Variants in KIAA0825 observed in about 807,000 individuals in gnomAD.
KIAA0825 encodes the protein KIAA0825.
Under a neutral mutation model 147.6 loss-of-function variants are expected in KIAA0825, and 119 were observed. The ratio of observed to expected loss-of-function variants is 0.81; its 90% CI spans 0.69 to 0.94. The LOEUF (loss-of-function observed/expected upper bound fraction) is 0.94. KIAA0825 is among the 40% of genes least tolerant of loss of function. The pLI is 0.00. For synonymous variants in KIAA0825, 470 were observed against 518.1 expected (o/e 0.91, Z 1.26); for missense variants, 1,381 against 1,472.7 (o/e 0.94, Z 1.02).
intron 14 of KIAA0825, among the ~76,000 whole-genome samples, chr5:94,439,203 G>A (rs1244797454): frequency 6.6e-6 from 1 of 152,096 alleles, no homozygotes; most frequent in Non-Finnish European, 1.5e-5. Context: ...CAGGTGTTGG[G>A]GAACTACAGA....
chr5:94,546,792 CAAAAAAAAAAAA>C (rs372542896), intron 2 of KIAA0825, among the ~76,000 whole-genome samples: 1 of 49,696 alleles, frequency 2.0e-5, no homozygotes, highest in South Asian at 7.4e-4. Context: ...GTCCAGGCAC[CAAAAAAAAAAAA>C]AAAAAAAAAA....
intron 20 of KIAA0825, among the ~76,000 whole-genome samples, chr5:94,261,329 A>C (rs148593049): frequency 2.5e-3 from 382 of 152,166 alleles, no homozygotes; most frequent in African/African-American, 8.3e-3. Context: ...AAAATAAATA[A>C]ATACATACAT....
At chr5:94,312,237 G>A (rs1779253220) in intron 20 of KIAA0825, among the ~76,000 whole-genome samples, 1 of 151,652 alleles carries the variant, frequency 6.6e-6, no homozygotes, top group South Asian at 2.1e-4. Context: ...GTGTGTGTGT[G>A]TGCATAAAAT....
At position 94,394,616 on chromosome 5, in the gene KIAA0825, T is replaced by C. The variant is rs141191840; in HGVS notation, c.3296+1485A>G. Among the ~76,000 whole-genome samples the C allele has an allele frequency of 3.5e-4, 54 of 152,330 alleles. No homozygotes were observed. In the Middle Eastern group the frequency reaches 0.014, roughly 38 times the overall value. ...TAGACATTGCTTTAAATGGACCTTA[T>C]TTGATATAGGGGCTACTAAATGAGC... is the stretch of plus-strand genomic sequence containing the variant. On this transcript the variant is annotated intron_variant, in intron 17 of 20. Transcript: ENST00000682413.
chr5:94,533,345 C>T (rs916511795), intron 3 of KIAA0825, among the ~76,000 whole-genome samples: 13 of 144,606 alleles, frequency 9.0e-5, no homozygotes, highest in East Asian at 4.1e-4. Context: ...GGTGTGATCT[C>T]GGCTCACTGC....
chr5:94,478,398 A>G (rs1220125969), intron 6 of KIAA0825, among the ~76,000 whole-genome samples: 2 of 152,064 alleles, frequency 1.3e-5, no homozygotes, highest in East Asian at 3.8e-4. Flanking sequence ...TTAAAGTGAC[A>G]GAACACTGCA....
At chr5:94,162,642 A>T (rs769005402) in intron 20 of KIAA0825, among the ~76,000 whole-genome samples, 1 of 152,192 alleles carries the variant, frequency 6.6e-6, no homozygotes, top group Non-Finnish European at 1.5e-5. Context: ...TTGGCTCTCC[A>T]TGATTCAGAG....
At chr5:94,532,980 CTTTT>C (rs1163019137) in intron 3 of KIAA0825, among the ~76,000 whole-genome samples, 1 of 140,122 alleles carries the variant, frequency 7.1e-6, no homozygotes. Flanking sequence ...CATTCTGTGT[CTTTT>C]TTTTTTTTTT....
At chr5:94,390,171 G>A (rs137921572) in intron 18 of KIAA0825, among the ~76,000 whole-genome samples, 228 of 152,270 alleles carry the variant, frequency 1.5e-3, no homozygotes, top group African/African-American at 5.2e-3. Context: ...TTGCTTATTG[G>A]TGATTATTGA....
chr5:94,249,276 A>C (rs140982967), intron 20 of KIAA0825, among the ~76,000 whole-genome samples: 1 of 152,246 alleles, frequency 6.6e-6, no homozygotes, highest in South Asian at 2.1e-4. Context: ...GCTATATTGT[A>C]AAGTGCAACT....
intron 5 of KIAA0825, among the ~76,000 whole-genome samples, chr5:94,500,559 T>C (rs1764948149): frequency 6.6e-6 from 1 of 151,972 alleles, no homozygotes; most frequent in Admixed American, 6.6e-5. Context: ...CAGGGAATGG[T>C]GAGGAGTTCT....
At chr5:94,350,129 C>A (rs1021464083) in intron 20 of KIAA0825, among the ~76,000 whole-genome samples, 2 of 152,124 alleles carry the variant, frequency 1.3e-5, no homozygotes, top group Non-Finnish European at 2.9e-5. Context: ...TACAAAAGAT[C>A]ATTCAAGGCT....
At chr5:94,305,599 A>G (rs1307713163) in intron 20 of KIAA0825, among the ~76,000 whole-genome samples, 1 of 152,034 alleles carries the variant, frequency 6.6e-6, no homozygotes, top group Admixed American at 6.6e-5. Context: ...CGTATAAAAA[A>G]TAATAAGGTG....
intron 20 of KIAA0825, among the ~76,000 whole-genome samples, chr5:94,212,409 T>A (rs1026418921): frequency 1.3e-5 from 2 of 152,182 alleles, no homozygotes; most frequent in African/African-American, 4.8e-5. Flanking sequence ...TGTAAACATT[T>A]AGGAGACAAC....
In KIAA0825 at chr5:94,422,793, C is replaced by T. The variant is rs562473329; in HGVS notation, c.2498-5428G>A. 3.3e-5 allele frequency among the ~76,000 whole-genome samples: 5 copies of T among 152,270 alleles called. No homozygotes were observed. The East Asian group carries it at 9.6e-4, about 29-fold the overall frequency. On this transcript the variant is annotated intron_variant, in intron 14 of 20. Transcript: ENST00000682413. ...CTGCCTAAAGTATCCATTGTTCAAA[C>T]AAATGTCATCCACTTTGCCTCCCTC...
chr5:94,466,443 AAAAAG>A (rs1211926311), intron 10 of KIAA0825, among the ~76,000 whole-genome samples: 1 of 152,080 alleles, frequency 6.6e-6, no homozygotes. Context: ...CTCTTTAAGA[AAAAAG>A]AAATTACACA....
rs1412898767 is a variant in KIAA0825, at chr5:94,368,853, A to T, written c.3710+15515T>A. 2.0e-5 allele frequency among the ~76,000 whole-genome samples: 3 copies of T among 152,144 alleles called. No homozygotes were observed. The East Asian group carries it at 5.8e-4, about 29-fold the overall frequency. On this transcript the variant is annotated intron_variant, in intron 20 of 20. Coordinates refer to ENST00000682413, the MANE Select transcript of KIAA0825 (RefSeq NM_001145678.3). ...ATTATGATGGTTGGACTTCTGTGTG[A>T]GATGAGAGTTATTATATTAAATTAC...
At chr5:94,221,963 C>G (rs1484464458) in intron 20 of KIAA0825, among the ~76,000 whole-genome samples, 1 of 152,092 alleles carries the variant, frequency 6.6e-6, no homozygotes, top group Non-Finnish European at 1.5e-5. Context: ...CCGTCTAGTT[C>G]CAGGCAAAAC....
intron 20 of KIAA0825, among the ~76,000 whole-genome samples, chr5:94,300,247 C>A (rs1449943816): frequency 6.6e-6 from 1 of 151,958 alleles, no homozygotes; most frequent in Non-Finnish European, 1.5e-5. Context: ...GTGCATATAC[C>A]TAACCTTGGT....
Sources: gnomAD v4.1 joint callset for allele counts (sites outside exome capture counted in the v4.1 genomes callset) on GRCh38, gnomAD v4.1.1 for gene constraint, MANE v1.5 for transcripts, NCBI Gene and HGNC (gene_info 2026-07-23, HGNC 2026-07-21) for gene names.